Variants in RALYL observed in about 807,000 individuals in gnomAD.
The protein encoded by RALYL is RNA-binding Raly-like protein.
A neutral mutation model predicts 35.1 loss-of-function variants in RALYL; 29 were observed. The observed-to-expected ratio is 0.83, with a 90% CI of 0.61 to 1.13. The LOEUF is 1.13. Ranked by LOEUF, RALYL falls within the 50% of genes most tolerant of loss-of-function variation. RALYL has a pLI of 0.00. For missense variants in RALYL, 359 were observed against 360.4 expected (o/e 1.00, Z 0.03); for synonymous variants, 120 against 127.6 (o/e 0.94, Z 0.40).
chr8:84,282,464 C>T (rs531621753), intron 1 of RALYL, among the ~76,000 whole-genome samples: 1 of 152,040 alleles, frequency 6.6e-6, no homozygotes, highest in South Asian at 2.1e-4. Flanking sequence ...TATTGTCATT[C>T]CTTTCAAAGT....
chr8:84,684,981 G>T (rs943880563), intron 2 of RALYL, among the ~76,000 whole-genome samples: 1 of 152,144 alleles, frequency 6.6e-6, no homozygotes, highest in Non-Finnish European at 1.5e-5. Flanking sequence ...TCGCCATTTT[G>T]CTGTGTGCTC....
chr8:84,265,716 A>T (rs1833169317), intron 1 of RALYL, among the ~76,000 whole-genome samples: 1 of 152,232 alleles, frequency 6.6e-6, no homozygotes, highest in Non-Finnish European at 1.5e-5. Flanking sequence ...TTGCAATAGC[A>T]GCATATACCC....
At chr8:84,708,081 C>A (rs1287929682) in intron 2 of RALYL, among the ~76,000 whole-genome samples, 2 of 152,038 alleles carry the variant, frequency 1.3e-5, no homozygotes, top group Non-Finnish European at 2.9e-5. Flanking sequence ...GTACATAAAT[C>A]AACTTTCTAA....
intron 1 of RALYL, among the ~76,000 whole-genome samples, chr8:84,468,150 G>T (rs1012237453): frequency 1.4e-4 from 22 of 151,806 alleles, no homozygotes; most frequent in Admixed American, 9.9e-4. Context: ...TACATTTAAA[G>T]TTAATATTGT....
chr8:84,442,021 C>T (rs185221793), intron 1 of RALYL, among the ~76,000 whole-genome samples: 214 of 151,984 alleles, frequency 1.4e-3, no homozygotes, highest in Non-Finnish European at 2.5e-3. Flanking sequence ...AATATGAGAA[C>T]AATGAAATGC....
At chr8:84,294,657 A>G (rs1436673109) in intron 1 of RALYL, among the ~76,000 whole-genome samples, 1 of 152,142 alleles carries the variant, frequency 6.6e-6, no homozygotes, top group Admixed American at 6.6e-5. Flanking sequence ...AGGCCACTCA[A>G]TCAGACCTTG....
chr8:84,736,187 G>T (rs933915759), intron 2 of RALYL, among the ~76,000 whole-genome samples: 1 of 152,060 alleles, frequency 6.6e-6, no homozygotes, highest in African/African-American at 2.4e-5. Flanking sequence ...TTCATATACT[G>T]AAAGAATTAA....
intron 2 of RALYL, among the ~76,000 whole-genome samples, chr8:84,530,725 A>G (rs141335524): frequency 2.6e-5 from 4 of 152,112 alleles, no homozygotes; most frequent in African/African-American, 9.7e-5. Context: ...ACCTGCTTTT[A>G]AACCTCTAAT....
intron 1 of RALYL, among the ~76,000 whole-genome samples, chr8:84,380,812 T>G (rs1379647615): frequency 6.6e-6 from 1 of 151,902 alleles, no homozygotes; most frequent in Non-Finnish European, 1.5e-5. Flanking sequence ...CCTTAACAGA[T>G]GCAGAAGTTT....
At chr8:84,697,769 C>G (rs1180328636) in intron 2 of RALYL, among the ~76,000 whole-genome samples, 1 of 151,932 alleles carries the variant, frequency 6.6e-6, no homozygotes, top group Non-Finnish European at 1.5e-5. Flanking sequence ...GCCCTAGTGT[C>G]TGTTTTTCCC....
intron 1 of RALYL, among the ~76,000 whole-genome samples, chr8:84,308,098 C>G (rs1308647301): frequency 1.4e-5 from 2 of 146,414 alleles, no homozygotes; most frequent in Admixed American, 6.8e-5. Flanking sequence ...AATAGATCAC[C>G]AAGAAAAAAA....
At chr8:84,764,603 G>A (rs1385126824) in intron 2 of RALYL, among the ~76,000 whole-genome samples, 1 of 152,168 alleles carries the variant, frequency 6.6e-6, no homozygotes, top group African/African-American at 2.4e-5. Context: ...TGGGAGCATG[G>A]AGAATTTTCT....
intron 1 of RALYL, among the ~76,000 whole-genome samples, chr8:84,219,615 G>A (rs1053752373): frequency 5.9e-5 from 9 of 151,956 alleles, no homozygotes; most frequent in Admixed American, 5.9e-4. Context: ...GTGTGAGTGT[G>A]TCTTTAACAA....
intron 1 of RALYL, among the ~76,000 whole-genome samples, chr8:84,367,491 C>T (rs1241305983): frequency 2.0e-5 from 3 of 151,122 alleles, no homozygotes; most frequent in South Asian, 2.1e-4. Flanking sequence ...AGCGCAGCCT[C>T]ATTTTCTTAT....
At chr8:84,563,229 A>G (rs2061572507) in intron 2 of RALYL, among the ~76,000 whole-genome samples, 1 of 151,914 alleles carries the variant, frequency 6.6e-6, no homozygotes. Flanking sequence ...ACAGATACAG[A>G]TAATTTCTAC....
chr8:84,657,039 A>G (rs1413025094), intron 2 of RALYL, among the ~76,000 whole-genome samples: 1 of 152,180 alleles, frequency 6.6e-6, no homozygotes. Flanking sequence ...ACATTACATG[A>G]GTATAAGAAA....
At chr8:84,346,910 G>A in intron 1 of RALYL, among the ~76,000 whole-genome samples, 1 of 152,002 alleles carries the variant, frequency 6.6e-6, no homozygotes, top group East Asian at 1.9e-4. Flanking sequence ...TAAGAAATAA[G>A]GACATTTGGC....
chr8:84,508,675 A>C (rs982794845), intron 1 of RALYL, among the ~76,000 whole-genome samples: 2 of 152,032 alleles, frequency 1.3e-5, no homozygotes, highest in Admixed American at 1.3e-4. Context: ...TTTTAAAAAA[A>C]GATGAATTTT....
chr8:84,692,490 C>T (rs909204922), intron 2 of RALYL, among the ~76,000 whole-genome samples: 5 of 151,986 alleles, frequency 3.3e-5, no homozygotes, highest in Non-Finnish European at 7.4e-5. Context: ...TGTAAGACCA[C>T]TACCCTGAAA....
Sources: allele counts gnomAD v4.1 joint callset (sites outside exome capture counted in the v4.1 genomes callset), GRCh38; gene constraint gnomAD v4.1.1; transcripts MANE v1.5; gene names NCBI Gene and HGNC (gene_info 2026-07-23, HGNC 2026-07-21).